PPP2R2C: variants seen among roughly 807,000 people sequenced by gnomAD.
PPP2R2C encodes the protein protein phosphatase 2 regulatory subunit Bgamma, also known as protein phosphatase 2, regulatory subunit B, gamma.
In PPP2R2C, 10 loss-of-function variants were observed where a neutral mutation model predicts 45.3. That is an observed-to-expected ratio of 0.22 (90% CI 0.14 to 0.37). The LOEUF is 0.37. Ranked by LOEUF, PPP2R2C falls within the 10% of genes least tolerant of loss-of-function variation. PPP2R2C has a pLI of 1.00. For missense variants in PPP2R2C, 308 were observed against 619.7 expected, an observed-to-expected ratio of 0.50 and a Z score of 5.34; for synonymous variants, 257 against 245.4, an observed-to-expected ratio of 1.05 and a Z score of -0.44.
chr4:6,480,157 A>G (rs1183672485), intron 2 of PPP2R2C, among the ~76,000 whole-genome samples: 1 of 152,092 alleles, frequency 6.6e-6, no homozygotes, highest in Non-Finnish European at 1.5e-5. Context: ...TTTATGTTCT[A>G]TTCCTTAACA....
rs570611610 is a variant in PPP2R2C at position 6,508,268 on chromosome 4, G to A, written c.49+27003C>T. Among the ~76,000 whole-genome samples the A allele has an allele frequency of 3.3e-5, 5 of 152,302 alleles. No individual in the cohort carries two copies. The South Asian group carries it at 1.0e-3, about 32-fold the overall frequency. On this transcript the variant is annotated intron_variant, in intron 2 of 9. Coordinates refer to the PPP2R2C transcript ENST00000506140. ...ATAATTGGTTACAGCTGGCATCAGGGAAAGGCAGTCTCCCAATAGAAACAG... is the reference window on the plus strand; with the variant it reads ...ATAATTGGTTACAGCTGGCATCAGGAAAAGGCAGTCTCCCAATAGAAACAG...
intron 5 of PPP2R2C, chr4:6,350,762 T>A (rs901836692): frequency 7.1e-6 from 7 of 985,226 alleles, no homozygotes; most frequent in Non-Finnish European, 7.2e-6. Context: ...GCATGTCACC[T>A]CCAGGCTGAA....
intron 1 of PPP2R2C, among the ~76,000 whole-genome samples, chr4:6,551,809 C>T (rs1346683886): frequency 6.6e-6 from 1 of 152,230 alleles, no homozygotes. Context: ...TCCAGCTGAA[C>T]ACCAACAAGC....
chr4:6,551,192 G>A (rs1437481334), intron 1 of PPP2R2C, among the ~76,000 whole-genome samples: 1 of 152,186 alleles, frequency 6.6e-6, no homozygotes, highest in African/African-American at 2.4e-5. Context: ...CTGCCTTCCA[G>A]GGGGATTGGA....
chr4:6,373,175 G>A (rs1223570046), intron 4 of PPP2R2C, among the ~76,000 whole-genome samples: 1 of 152,176 alleles, frequency 6.6e-6, no homozygotes, highest in Non-Finnish European at 1.5e-5. Flanking sequence ...GCTAAGCAGC[G>A]GGAGCACCTT....
chr4:6,474,645 C>T (rs550279455), upstream of PPP2R2C, among the ~76,000 whole-genome samples: 179 of 152,292 alleles, frequency 1.2e-3, no homozygotes, highest in Middle Eastern at 3.4e-3. Flanking sequence ...CTGAGCCATG[C>T]TGGGGACCCT....
intron 1 of PPP2R2C, among the ~76,000 whole-genome samples, chr4:6,546,273 T>C (rs1577251302): frequency 6.6e-6 from 1 of 152,008 alleles, no homozygotes; most frequent in Non-Finnish European, 1.5e-5. Context: ...CAGGGTTGAG[T>C]TGGACATCAC....
rs1731626285 is a variant in PPP2R2C, at chr4:6,322,699, GA to G, written c.*602del. 1 of 152,292 alleles carries G rather than the reference GA, an allele frequency of 6.6e-6. No homozygotes were observed. Among genetic ancestry groups the G allele is most frequent in the South Asian group, 2.1e-4 (1 of 4,818 alleles). 9.4% of individuals were successfully genotyped at this position (152,292 alleles called of 1,614,324 possible). ...GTTTCAAGACATTCAGAAGACCTAG[GA>G]GAGGAGCTTGCATCTGCAAATTCTC... On this transcript the variant is annotated 3_prime_UTR_variant, in exon 9 of 9. Transcript: ENST00000382599. This position sits in a 1 kb window ranked among gnomAD's most constrained non-coding sequence, Gnocchi z 7.8.
rs142082697 is a variant in PPP2R2C, at chr4:6,404,416, C to T, written c.71-23322G>A. ...CCAGAGGCATGGAAACCCTTGGGGACGGGTGCCAGCTGCTCCTGACCTCGC... is the reference window on the plus strand; with the variant it reads ...CCAGAGGCATGGAAACCCTTGGGGATGGGTGCCAGCTGCTCCTGACCTCGC... On this transcript the variant is annotated intron_variant, in intron 1 of 8. Transcript: ENST00000382599. Among the ~76,000 whole-genome samples the T allele has an allele frequency of 1.1e-4, 16 of 152,302 alleles. No individual in the cohort carries two copies. In the East Asian group the frequency reaches 2.5e-3, roughly 24 times the overall value.
chr4:6,435,870 T>C (rs1441750475), intron 1 of PPP2R2C, among the ~76,000 whole-genome samples: 3 of 152,186 alleles, frequency 2.0e-5, no homozygotes, highest in African/African-American at 4.8e-5. Context: ...TGTGCAAAAC[T>C]AGATCTGGGA....
At chr4:6,397,334 CA>C (rs1347856196) in intron 1 of PPP2R2C, among the ~76,000 whole-genome samples, 1 of 152,224 alleles carries the variant, frequency 6.6e-6, no homozygotes, top group Non-Finnish European at 1.5e-5. Flanking sequence ...CACCCCAGGC[CA>C]GGGGGAGGCC....
intron 6 of PPP2R2C, among the ~76,000 whole-genome samples, chr4:6,336,118 G>C (rs2109184009): frequency 6.6e-6 from 1 of 152,198 alleles, no homozygotes; most frequent in African/African-American, 2.4e-5. Flanking sequence ...GTCATATTTT[G>C]GAATTAGAAT....
intron 1 of PPP2R2C, among the ~76,000 whole-genome samples, chr4:6,443,167 G>A (rs538032151): frequency 5.3e-5 from 8 of 152,120 alleles, no homozygotes; most frequent in South Asian, 2.1e-4. Context: ...CTCTCTCCTC[G>A]GCACCACTCT....
In PPP2R2C at chr4:6,554,206, C is replaced by A. The variant is rs76561680; in HGVS notation, c.-59+9354G>T. Among the ~76,000 whole-genome samples the A allele has an allele frequency of 3.9e-5, 6 of 152,238 alleles. No individual in the cohort carries two copies. In the East Asian group the frequency reaches 1.2e-3, roughly 29 times the overall value. ...TGAGGCCATGCTGGAGTAGGGTTTA[C>A]CCCCAATCCAAAATGACGGGTGCCC... On this transcript the variant is annotated intron_variant, in intron 1 of 9. Coordinates refer to the PPP2R2C transcript ENST00000506140.
intron 3 of PPP2R2C, among the ~76,000 whole-genome samples, chr4:6,377,098 G>A (rs1264444382): frequency 2.0e-5 from 3 of 152,252 alleles, no homozygotes; most frequent in Admixed American, 2.0e-4. Flanking sequence ...GGCGAGGATA[G>A]CCTTCAGGCA....
At chr4:6,530,819 G>C (rs903078704) in intron 2 of PPP2R2C, among the ~76,000 whole-genome samples, 14 of 152,342 alleles carry the variant, frequency 9.2e-5, no homozygotes, top group African/African-American at 3.1e-4. Context: ...TAAACCTCAA[G>C]GCAAAACGCA....
intron 1 of PPP2R2C, among the ~76,000 whole-genome samples, chr4:6,419,474 T>C (rs1718823660): frequency 6.6e-6 from 1 of 151,504 alleles, no homozygotes. Context: ...AAAAGAAAAA[T>C]ATGCAACAGA....
At chr4:6,420,297 A>G (rs1718875807) in intron 1 of PPP2R2C, among the ~76,000 whole-genome samples, 1 of 150,132 alleles carries the variant, frequency 6.7e-6, no homozygotes, top group African/African-American at 2.4e-5. Flanking sequence ...TCCTTCCATC[A>G]GAATGTGCCA....
chr4:6,397,117 A>T (rs1216345461), intron 1 of PPP2R2C, among the ~76,000 whole-genome samples: 1 of 152,216 alleles, frequency 6.6e-6, no homozygotes, highest in Admixed American at 6.5e-5. Flanking sequence ...TCAACCTCAG[A>T]GCTTGGACTC....
Sources: allele counts gnomAD v4.1 joint callset (sites outside exome capture counted in the v4.1 genomes callset), GRCh38; gene constraint gnomAD v4.1.1; non-coding constraint Gnocchi (gnomAD v3.1); transcripts MANE v1.5; gene names NCBI Gene and HGNC (gene_info 2026-07-23, HGNC 2026-07-21).